The following CCDC3 variants were observed in gnomAD, a reference collection of about 807,000 sequenced individuals.
The protein encoded by CCDC3 is coiled-coil domain containing 3.
Under a neutral mutation model 21.4 loss-of-function variants are expected in CCDC3, and 24 were observed. The ratio of observed to expected loss-of-function variants is 1.12; its 90% confidence interval spans 0.81 to 1.58. The LOEUF (loss-of-function observed/expected upper bound fraction) is 1.58, where lower values mean the gene tolerates loss of function less well. CCDC3 is among the 40% of genes most tolerant of loss of function. The probability of loss-of-function intolerance (pLI) is 0.00; values close to 1 mark genes in which losing one functional copy is unlikely to be tolerated. For synonymous variants in CCDC3, 186 were observed against 166.0 expected, an observed-to-expected ratio of 1.12 and a Z score of -0.93; for missense variants, 425 against 360.9, an observed-to-expected ratio of 1.18 and a Z score of -1.44.
intron 2 of CCDC3, among the ~76,000 whole-genome samples, chr10:12,931,420 G>A (rs1398964659): frequency 2.0e-5 from 3 of 152,224 alleles, no homozygotes; most frequent in East Asian, 1.9e-4. Flanking sequence ...TAAAAACTAC[G>A]TTTCCCAAAC....
intron 2 of CCDC3, among the ~76,000 whole-genome samples, chr10:12,960,586 G>T (rs2580885): frequency 1.3e-5 from 2 of 152,188 alleles, no homozygotes; most frequent in African/African-American, 4.8e-5. Flanking sequence ...TACTTTCGTA[G>T]TAGGCTCTAG....
intron 2 of CCDC3, among the ~76,000 whole-genome samples, chr10:12,910,611 A>AAAAAAAAAAT: frequency 9.5e-6 from 1 of 105,176 alleles, no homozygotes; most frequent in African/African-American, 3.7e-5. Context: ...AAAAAAAAAA[A>AAAAAAAAAAT]TTTTTTTTTT....
chr10:13,030,142 C>G (rs776078171), intron 5 of CCDC3, among the ~76,000 whole-genome samples: 5 of 152,210 alleles, frequency 3.3e-5, no homozygotes, highest in Non-Finnish European at 5.9e-5. Flanking sequence ...CAGCAGATCT[C>G]TCAGCAGAAA....
intron 2 of CCDC3, among the ~76,000 whole-genome samples, chr10:12,937,855 T>C (rs1834765158): frequency 6.6e-6 from 1 of 152,158 alleles, no homozygotes; most frequent in Non-Finnish European, 1.5e-5. Flanking sequence ...CATTAAGCCA[T>C]TATTTGGCAC....
chr10:13,017,283 G>A (rs1319806636), intron 5 of CCDC3, among the ~76,000 whole-genome samples: 1 of 151,876 alleles, frequency 6.6e-6, no homozygotes, highest in Non-Finnish European at 1.5e-5. Flanking sequence ...TTGGGAGGCC[G>A]AGGTGGGCGG....
intron 5 of CCDC3, among the ~76,000 whole-genome samples, chr10:13,043,895 T>C (rs544151490): frequency 1.3e-5 from 2 of 152,376 alleles, no homozygotes; most frequent in South Asian, 4.1e-4. Flanking sequence ...TTGGGTTGAA[T>C]AGTAGTTCTA....
At position 13,047,060 on chromosome 10, in the gene CCDC3, C is replaced by T. The variant is rs369871402; in HGVS notation, c.-2+2614G>A. 2.6e-5 allele frequency among the ~76,000 whole-genome samples: 4 copies of T among 152,072 alleles called. No individual in the cohort carries two copies. The East Asian group carries it at 5.8e-4, about 22-fold the overall frequency. On this transcript the variant is annotated intron_variant, in intron 5 of 6. Transcript: ENST00000378839. The stretch of plus-strand genomic sequence containing the variant: ...ATGAGAGAGGGTGAGGGATGTTTTG[C>T]ATTTATGAAGCAGCTGTTACGAAAG...
At chr10:13,068,014 C>T (rs753875930) in intron 4 of CCDC3, among the ~76,000 whole-genome samples, 1 of 152,126 alleles carries the variant, frequency 6.6e-6, no homozygotes. Context: ...CCTTGTCACT[C>T]TTAATGTATG....
At chr10:13,074,536 C>G (rs1205934364) in intron 3 of CCDC3, among the ~76,000 whole-genome samples, 1 of 151,620 alleles carries the variant, frequency 6.6e-6, no homozygotes, top group Non-Finnish European at 1.5e-5. Flanking sequence ...ATCCAAGGTC[C>G]CAGCTCTCAT....
chr10:12,963,642 A>G (rs886307819), intron 2 of CCDC3, among the ~76,000 whole-genome samples: 4 of 136,534 alleles, frequency 2.9e-5, no homozygotes, highest in Non-Finnish European at 4.6e-5. Context: ...GTGCAGTGGC[A>G]TGATCTTGGC....
chr10:12,975,761 A>C (rs1835408439), intron 2 of CCDC3, among the ~76,000 whole-genome samples: 1 of 152,214 alleles, frequency 6.6e-6, no homozygotes, highest in South Asian at 2.1e-4. Flanking sequence ...TTTCACAGAA[A>C]GGTCTCAAAG....
chr10:13,089,056 G>GAT (rs1312486309), intron 3 of CCDC3, among the ~76,000 whole-genome samples: 1 of 151,550 alleles, frequency 6.6e-6, no homozygotes, highest in Non-Finnish European at 1.5e-5. Context: ...TGGATATTGA[G>GAT]ATATATGTAG....
chr10:12,976,689 T>C (rs1835421985), intron 2 of CCDC3, among the ~76,000 whole-genome samples: 1 of 152,074 alleles, frequency 6.6e-6, no homozygotes, highest in Admixed American at 6.5e-5. Flanking sequence ...TTGCTGAAAA[T>C]CCAGTAAGAC....
At chr10:12,993,697 T>TCCC (rs1316481622) in intron 2 of CCDC3, among the ~76,000 whole-genome samples, 1 of 151,978 alleles carries the variant, frequency 6.6e-6, no homozygotes, top group African/African-American at 2.4e-5. Flanking sequence ...GCCAAAGATA[T>TCCC]CCCCCCAAGT....
intron 3 of CCDC3, among the ~76,000 whole-genome samples, chr10:13,077,735 C>T (rs574910715): frequency 1.3e-5 from 2 of 152,128 alleles, no homozygotes; most frequent in African/African-American, 2.4e-5. Flanking sequence ...CTTTGACAAA[C>T]CTGACAAAAA....
chr10:12,998,320 G>T lies in CCDC3; in HGVS notation c.549+18C>A, dbSNP rs377351643. On this transcript the variant is annotated intron_variant, in intron 2 of 2. Coordinates refer to ENST00000378825, the MANE Select transcript of CCDC3 (RefSeq NM_031455.4). ...ATACTATTGTTTTGCTGTGGCACAG[G>T]ATTTAGCCAATTCTTACCCTACTGT... 2.0e-5 allele frequency: 33 copies of T among 1,611,118 alleles called. No individual in the cohort carries two copies. In the African/African-American group the frequency reaches 2.1e-4, roughly 10 times the overall value.
intron 4 of CCDC3, among the ~76,000 whole-genome samples, chr10:13,059,362 A>C (rs755855352): frequency 7.2e-5 from 11 of 152,192 alleles, no homozygotes; most frequent in Non-Finnish European, 1.6e-4. Context: ...ATGAGAAGTA[A>C]GTTTTTACTG....
At chr10:12,944,411 C>T (rs922036109) in intron 2 of CCDC3, among the ~76,000 whole-genome samples, 3 of 152,212 alleles carry the variant, frequency 2.0e-5, no homozygotes, top group African/African-American at 7.2e-5. Flanking sequence ...ACTCTTTCAA[C>T]CAACTGCCAA....
chr10:12,948,174 TC>T (rs1233412382), intron 2 of CCDC3, among the ~76,000 whole-genome samples: 1 of 152,068 alleles, frequency 6.6e-6, no homozygotes, highest in African/African-American at 2.4e-5. Context: ...AAAGGGCAGT[TC>T]CCCTGCACAC....
Sources: gnomAD v4.1 joint callset for allele counts (sites outside exome capture counted in the v4.1 genomes callset) on GRCh38, gnomAD v4.1.1 for gene constraint, MANE v1.5 for transcripts, NCBI Gene and HGNC (gene_info 2026-07-23, HGNC 2026-07-21) for gene names.